Variants in KDM2B observed in about 807,000 individuals in gnomAD.
KDM2B encodes lysine demethylase 2B, also known as lysine-specific demethylase 2B.
KDM2B carries 26 observed loss-of-function variants against 150.0 expected under a neutral mutation model. The ratio of observed to expected loss-of-function variants is 0.17; its 90% CI spans 0.13 to 0.24. The LOEUF (loss-of-function observed/expected upper bound fraction) is 0.24. KDM2B is among the 10% of genes least tolerant of loss of function. The probability of loss-of-function intolerance (pLI) is 1.00; values close to 1 mark genes in which losing one functional copy is unlikely to be tolerated. For missense variants in KDM2B, 1,265 were observed against 1,816.9 expected, an observed-to-expected ratio of 0.70 and a Z score of 5.52; for synonymous variants, 734 against 729.5, an observed-to-expected ratio of 1.01 and a Z score of -0.10.
chr12:121,534,849 G>C (rs1887960398), intron 6 of KDM2B, among the ~76,000 whole-genome samples: 1 of 152,126 alleles, frequency 6.6e-6, no homozygotes, highest in Non-Finnish European at 1.5e-5. Context: ...TCAGGTTCTT[G>C]CGAGAAGTGG....
chr12:121,580,285 G>C (rs1230213663), intron 1 of KDM2B: 2 of 1,223,984 alleles, frequency 1.6e-6, no homozygotes, highest in East Asian at 3.5e-5. Context: ...CATAATCCCC[G>C]GAACGTAAAC....
At chr12:121,506,851 A>G (rs1276832520) in intron 11 of KDM2B, among the ~76,000 whole-genome samples, 1 of 151,682 alleles carries the variant, frequency 6.6e-6, no homozygotes, top group African/African-American at 2.4e-5. Context: ...CAGGAGAATC[A>G]CTTGAACCCC....
At chr12:121,476,733 C>A (rs1415734793) in intron 12 of KDM2B, among the ~76,000 whole-genome samples, 1 of 152,148 alleles carries the variant, frequency 6.6e-6, no homozygotes, top group Non-Finnish European at 1.5e-5. Flanking sequence ...TTCCTTCCCT[C>A]CCTCCTCCCT....
chr12:121,527,958 C>T (rs1315955273), intron 8 of KDM2B, among the ~76,000 whole-genome samples: 1 of 152,178 alleles, frequency 6.6e-6, no homozygotes, highest in Non-Finnish European at 1.5e-5. Flanking sequence ...CCTGGTTCAC[C>T]CCAGGTACTT....
intron 12 of KDM2B, among the ~76,000 whole-genome samples, chr12:121,476,997 G>T (rs1255523890): frequency 3.9e-5 from 6 of 152,202 alleles, no homozygotes; most frequent in Admixed American, 3.3e-4. Flanking sequence ...GAAAAGCTCT[G>T]CCAAACATCG....
intron 12 of KDM2B, 71 bp downstream of exon 12, chr12:121,494,508 G>C (rs782439559): frequency 2.5e-6 from 3 of 1,204,886 alleles, no homozygotes; most frequent in South Asian, 2.6e-5. Context: ...AAAAAGTCGC[G>C]GCTGTTCACC....
chr12:121,422,098 A>G, the KDM2B span, among the ~76,000 whole-genome samples: 3 of 152,202 alleles, frequency 2.0e-5, no homozygotes, highest in African/African-American at 7.2e-5. Context: ...GTAAATAGCA[A>G]CTATGTACAG....
At chr12:121,500,056 C>A (rs1593961376) in intron 11 of KDM2B, among the ~76,000 whole-genome samples, 1 of 152,168 alleles carries the variant, frequency 6.6e-6, no homozygotes, top group Non-Finnish European at 1.5e-5. Flanking sequence ...TGTGTGTGGC[C>A]CCCCTGCGGC....
At chr12:121,462,496 CTTT>C (rs1252083117) in intron 12 of KDM2B, among the ~76,000 whole-genome samples, 29 of 144,742 alleles carry the variant, frequency 2.0e-4, no homozygotes, top group Middle Eastern at 3.6e-3. Flanking sequence ...TAAAATTTCA[CTTT>C]TTTTTTTTTT....
intron 4 of KDM2B, 184 bp downstream of exon 4, chr12:121,574,363 C>T: frequency 1.8e-6 from 1 of 558,598 alleles, no homozygotes; most frequent in Non-Finnish European, 3.2e-6. Flanking sequence ...GATACAGCTT[C>T]TTAAGACTGC....
rs1046623997 is a variant in KDM2B at position 121,445,472 on chromosome 12, C to G, written c.1960-54G>C. ...CATCAGGGGTGGGGAGCACGGACCC[C>G]CAGGGGGGCCAGTTCAAGGGCAATG... On this transcript the variant is annotated intron_variant, in intron 13 of 22. Transcript: ENST00000377071. 2.6e-6 allele frequency: 4 copies of G among 1,513,082 alleles called. No homozygotes were observed. In the East Asian group the frequency reaches 7.3e-5, roughly 28 times the overall value. 93.7% of individuals were successfully genotyped at this position (1,513,082 alleles called of 1,614,324 possible).
chr12:121,485,311 T>C (rs960773171), intron 12 of KDM2B, among the ~76,000 whole-genome samples: 16 of 152,200 alleles, frequency 1.1e-4, no homozygotes, highest in African/African-American at 3.9e-4. Flanking sequence ...TTTGAGGATG[T>C]TGAAAATCAT....
intron 1 of KDM2B, chr12:121,580,149 A>T: frequency 6.4e-7 from 1 of 1,563,152 alleles, no homozygotes; most frequent in Non-Finnish European, 8.6e-7. Flanking sequence ...ACAAACCAAA[A>T]AATAAATAAA....
chr12:121,527,445 G>T (rs1453505519), intron 8 of KDM2B, among the ~76,000 whole-genome samples: 2 of 146,330 alleles, frequency 1.4e-5, no homozygotes, highest in East Asian at 2.2e-4. Context: ...CAGATCAGGA[G>T]ATTGAGACCA....
At chr12:121,436,520 CA>C (rs34346956) in intron 22 of KDM2B, among the ~76,000 whole-genome samples, 46,302 of 114,210 alleles carry the variant, frequency 0.41, 7,646 homozygotes, top group East Asian at 0.5. Context: ...GACTCCATCT[CA>C]AAAAAAAAAA....
Position 121,575,843 on chromosome 12 carries a change from G to A in KDM2B, c.288C>T (p.Tyr96=), listed in dbSNP as rs1555316789. 15 of 1,612,262 alleles carry A rather than the reference G, an allele frequency of 9.3e-6. No homozygotes were observed. The highest frequency in any genetic ancestry group is 1.3e-5 in the African/African-American group (1 of 75,012). ...GAACCCTGAGAGCTTCTCTCTGTAC[G>A]TACTCATAGTTGAAATCTGTTTGGA... is the stretch of plus-strand genomic sequence containing the variant. The part of the protein sequence containing the change: ...AMEGKDFNYE[Y]VQREALRVPL... The change falls in exon 3 of 23, where the codon TAC becomes TAT. Residue 96 remains tyrosine, a synonymous_variant. Coordinates refer to ENST00000377071, the MANE Select transcript of KDM2B (RefSeq NM_032590.5). The surrounding 1 kb of genome is among the most constrained non-coding windows in gnomAD (Gnocchi z 4.4).
At chr12:121,576,857 C>T (rs1176706735) in intron 2 of KDM2B, among the ~76,000 whole-genome samples, 1 of 152,188 alleles carries the variant, frequency 6.6e-6, no homozygotes, top group Non-Finnish European at 1.5e-5. Flanking sequence ...GCTGCTAGCC[C>T]AGGGAAACAG....
chr12:121,416,884 CTTTA>C, the KDM2B span, among the ~76,000 whole-genome samples: 1 of 152,128 alleles, frequency 6.6e-6, no homozygotes, highest in Non-Finnish European at 1.5e-5. Flanking sequence ...TCTCTTTGAT[CTTTA>C]GTTTAGTCTT....
At position 121,549,688 on chromosome 12, in the gene KDM2B, G is replaced by A. The variant is rs782527681; in HGVS notation, c.398-50C>T. On this transcript the variant is annotated intron_variant, in intron 4 of 22. Coordinates refer to ENST00000377071, the MANE Select transcript of KDM2B (RefSeq NM_032590.5). The surrounding 1 kb of genome is among the most constrained non-coding windows in gnomAD (Gnocchi z 4.4). ...TTGTTCCTGCCGGCTTAAGGCTCCA[G>A]ATCCTACATGGGAGCCCCTCACTAA... 6.7e-7 allele frequency: 1 copy of A among 1,487,004 alleles called. No homozygotes were observed. Among genetic ancestry groups the A allele is most frequent in the Non-Finnish European group, 9.1e-7 (1 of 1,100,416 alleles). 92.1% of individuals were successfully genotyped at this position (1,487,004 alleles called of 1,614,324 possible). A position where few individuals can be genotyped will look rare whatever the true frequency, so the allele number is the denominator to read the frequency against.
Sources: gnomAD v4.1 joint callset for allele counts (sites outside exome capture counted in the v4.1 genomes callset) on GRCh38, gnomAD v4.1.1 for gene constraint, Gnocchi (gnomAD v3.1) non-coding constraint, MANE v1.5 for transcripts, NCBI Gene and HGNC (gene_info 2026-07-23, HGNC 2026-07-21) for gene names.